Variants in CDHR3 observed in about 807,000 individuals in gnomAD.
CDHR3 encodes the protein cadherin related family member 3, also known as cadherin-related family member 3.
In CDHR3, 79 loss-of-function variants were observed where a neutral mutation model predicts 86.6. That is an observed-to-expected ratio of 0.91 (90% CI 0.76 to 1.10). CDHR3 has a LOEUF of 1.10. CDHR3 is among the 50% of genes least tolerant of loss of function. CDHR3 has a pLI of 0.00. For missense variants in CDHR3, 1,081 were observed against 1,077.6 expected (o/e 1.00, Z -0.04); for synonymous variants, 421 against 402.4 (o/e 1.05, Z -0.55).
Position 106,018,064 on chromosome 7 carries a change from T to C in CDHR3, c.1645T>C (p.Ser549Pro). The change falls in exon 12 of 19, where the codon TCT becomes CCT. Residue 549 changes from serine (S) to proline (P), a missense_variant. Ser to Pro is a moderately conservative substitution (Grantham distance 74). Transcript: ENST00000317716. Reference sequence around the variant, plus strand: ...GGCCACCAACAACGAAGACACAAGCTCTGTCACTGTGAGTGGTGCTGCTTG... The same window carrying C: ...GGCCACCAACAACGAAGACACAAGCCCTGTCACTGTGAGTGGTGCTGCTTG... ...IQATNNEDTS[S>P]VTVTVNILEE... is the part of the protein sequence containing the mutation. 1 of 1,613,368 alleles carries C rather than the reference T, an allele frequency of 6.2e-7. No homozygotes were observed. The highest frequency in any genetic ancestry group is 1.3e-5 in the African/African-American group (1 of 74,976).
chr7:105,969,240 CA>C (rs561288062), intron 1 of CDHR3, among the ~76,000 whole-genome samples: 4 of 140,522 alleles, frequency 2.8e-5, no homozygotes, highest in African/African-American at 7.9e-5. Flanking sequence ...ACTAAAAATA[CA>C]AAAAAAAATT....
intron 4 of CDHR3, among the ~76,000 whole-genome samples, chr7:105,994,127 T>C (rs1831816039): frequency 6.6e-6 from 1 of 152,250 alleles, no homozygotes; most frequent in Non-Finnish European, 1.5e-5. Flanking sequence ...CAATAACTGA[T>C]GCTCATGCAT....
intron 6 of CDHR3, among the ~76,000 whole-genome samples, chr7:105,999,922 T>C (rs1301850900): frequency 2.0e-5 from 3 of 152,128 alleles, no homozygotes; most frequent in Admixed American, 6.5e-5. Flanking sequence ...GGCCTCTTTT[T>C]TGGAAGTTAA....
rs996526336 is a variant in CDHR3 at position 105,988,750 on chromosome 7, C to T, written c.513+4461C>T. ...CTGTCCAATAAAGCTATACTGTGAG[C>T]CAGAAATGAGTCCTGCACATGTAAT... is the stretch of plus-strand genomic sequence containing the variant. On this transcript the variant is annotated intron_variant, in intron 4 of 18. Transcript: ENST00000317716. Among the ~76,000 whole-genome samples, 19 of 152,114 alleles carry T rather than the reference C, an allele frequency of 1.2e-4. 1 individual carries two copies. Among genetic ancestry groups the T allele is most frequent in the Non-Finnish European group, 1.5e-5 (1 of 68,008 alleles).
Position 105,981,143 on chromosome 7 carries a change from A to T in CDHR3, c.415+10A>T. The T allele has an allele frequency of 6.2e-7, 1 of 1,612,788 alleles. No homozygotes were observed. The highest frequency in any genetic ancestry group is 8.5e-7 in the Non-Finnish European group (1 of 1,179,272). On this transcript the variant is annotated intron_variant, in intron 3 of 18. Coordinates refer to ENST00000317716, the MANE Select transcript of CDHR3 (RefSeq NM_152750.5). ...GGCAACTTGGCAGAAGGTAGGATAC[A>T]CCAGGATGTGCACTGCAGCCCAGAC... is the stretch of plus-strand genomic sequence containing the variant.
intron 12 of CDHR3, among the ~76,000 whole-genome samples, chr7:106,018,854 C>T (rs897631359): frequency 7.2e-5 from 11 of 152,026 alleles, no homozygotes; most frequent in African/African-American, 1.2e-4. Context: ...ACCTTTGAGG[C>T]TGAGAATGTT....
Position 106,030,694 on chromosome 7 carries a change from A to T in CDHR3, c.2305-98A>T. 1 of 1,101,668 alleles carries T rather than the reference A, an allele frequency of 9.1e-7. No homozygotes were observed. Among genetic ancestry groups the T allele is most frequent in the South Asian group, 1.4e-5 (1 of 73,430 alleles). The allele number at this position is 1,101,668 out of a possible 1,614,324, so 68.2% of individuals were successfully genotyped here. A position where few individuals can be genotyped will look rare whatever the true frequency, so the allele number is the denominator to read the frequency against. On this transcript the variant is annotated intron_variant, in intron 17 of 18. Coordinates refer to ENST00000317716, the MANE Select transcript of CDHR3 (RefSeq NM_152750.5). The surrounding 1 kb of genome is among the most constrained non-coding windows in gnomAD (Gnocchi z 4.8). ...CTAATTAAAGACTTAGAAGTCAAGA[A>T]GGCTTTGGTTAAGGAACTTGGGTTG... is the stretch of plus-strand genomic sequence containing the variant.
intron 17 of CDHR3, 21 bp downstream of exon 17, chr7:106,028,603 G>T: frequency 6.2e-7 from 1 of 1,613,678 alleles, no homozygotes. Flanking sequence ...GCAGTGTGGG[G>T]CACCAGGCAT....
chr7:105,967,583 C>T (rs546801031), intron 1 of CDHR3, among the ~76,000 whole-genome samples: 12 of 152,304 alleles, frequency 7.9e-5, no homozygotes, highest in East Asian at 1.9e-4. Context: ...AGCGTAAAAG[C>T]GTTCCTATTT....
Position 106,033,611 on chromosome 7 carries a change from G to C in CDHR3, c.*914G>C, listed in dbSNP as rs560266781. The C allele has an allele frequency of 6.6e-6, 1 of 152,236 alleles. No individual in the cohort carries two copies. Among genetic ancestry groups the C allele is most frequent in the East Asian group, 1.9e-4 (1 of 5,170 alleles). 9.4% of individuals were successfully genotyped at this position (152,236 alleles called of 1,614,324 possible). ...AAAAATTAGCTTGGTGTGGTGGTGGGCACATGTAATCCCAGCTACTTGGGA... is the reference window on the plus strand; with the variant it reads ...AAAAATTAGCTTGGTGTGGTGGTGGCCACATGTAATCCCAGCTACTTGGGA... On this transcript the variant is annotated 3_prime_UTR_variant, in exon 19 of 19. Coordinates refer to ENST00000317716, the MANE Select transcript of CDHR3 (RefSeq NM_152750.5).
chr7:106,012,806 G>T, intron 8 of CDHR3, 54 bp from the exon 9 acceptor site: 1 of 1,535,150 alleles, frequency 6.5e-7, no homozygotes, highest in Non-Finnish European at 8.8e-7. Context: ...ATGTGAGAAG[G>T]AACAGTCGAT....
rs1838867548 is a variant in CDHR3 at position 106,035,743 on chromosome 7, A to AT, written c.*3046_*3047insT. 6.6e-6 allele frequency: 1 copy of AT among 152,148 alleles called. No homozygotes were observed. Among genetic ancestry groups the AT allele is most frequent in the African/African-American group, 2.4e-5 (1 of 41,426 alleles). The allele number at this position is 152,148 out of a possible 1,614,324, so 9.4% of individuals were successfully genotyped here. The stretch of plus-strand genomic sequence containing the variant: ...AGCAACCAATCAGAGACTGAAGTGG[A>AT]GTTACAAAGGTCACGCTCCTGTGCA... On this transcript the variant is annotated 3_prime_UTR_variant, in exon 19 of 19. Transcript: ENST00000317716.
chr7:106,028,617 C>T (rs767240259), intron 17 of CDHR3, 35 bp downstream of exon 17: 15 of 1,612,592 alleles, frequency 9.3e-6, no homozygotes, highest in Admixed American at 3.3e-5. Flanking sequence ...CAGGCATAGA[C>T]GCTGGGGGAT....
chr7:105,986,569 A>T (rs1830559008), intron 4 of CDHR3, among the ~76,000 whole-genome samples: 1 of 152,232 alleles, frequency 6.6e-6, no homozygotes, highest in African/African-American at 2.4e-5. Flanking sequence ...AGGGCTTCAG[A>T]AATGAAGACC....
At chr7:105,973,146 G>A (rs1418091674) in intron 1 of CDHR3, among the ~76,000 whole-genome samples, 1 of 152,118 alleles carries the variant, frequency 6.6e-6, no homozygotes, top group Non-Finnish European at 1.5e-5. Flanking sequence ...AAGCTGGCTG[G>A]GAAGGGGGAC....
At chr7:106,005,568 C>G (rs1012605883) in intron 8 of CDHR3, among the ~76,000 whole-genome samples, 2 of 152,178 alleles carry the variant, frequency 1.3e-5, no homozygotes, top group African/African-American at 4.8e-5. Context: ...GGCTGAAGAT[C>G]AGGGTGAGTC....
chr7:106,026,613 T>A, intron 15 of CDHR3, 69 bp from the exon 16 acceptor site: 1 of 1,530,756 alleles, frequency 6.5e-7, no homozygotes, highest in Non-Finnish European at 9.1e-7. Flanking sequence ...AAGAACCCCA[T>A]GGTGTCATGT....
intron 1 of CDHR3, among the ~76,000 whole-genome samples, chr7:105,966,585 GTCTT>G (rs1826966719): frequency 1.3e-5 from 2 of 152,222 alleles, no homozygotes; most frequent in African/African-American, 2.4e-5. Flanking sequence ...TTTCTAGAAA[GTCTT>G]TCTGTCAGCC....
At chr7:106,024,321 T>G (rs1837025725) in intron 14 of CDHR3, 60 bp from the exon 15 acceptor site, 2 of 1,441,556 alleles carry the variant, frequency 1.4e-6, no homozygotes, top group Non-Finnish European at 1.9e-6. Context: ...CACGAGAGAG[T>G]GCTGAATGTC....
Sources: allele counts gnomAD v4.1 joint callset (sites outside exome capture counted in the v4.1 genomes callset), GRCh38; gene constraint gnomAD v4.1.1; non-coding constraint Gnocchi (gnomAD v3.1); transcripts MANE v1.5; gene names NCBI Gene and HGNC (gene_info 2026-07-23, HGNC 2026-07-21).